GALNT11: variants seen among roughly 807,000 people sequenced by gnomAD.
GALNT11 encodes the protein UDP-GalNAc:polypeptide N-acetylgalactosaminyltransferase 11.
A neutral mutation model predicts 72.7 loss-of-function variants in GALNT11; 47 were observed. That is an observed-to-expected ratio of 0.65 (90% CI 0.51 to 0.82). The LOEUF (loss-of-function observed/expected upper bound fraction) is 0.82. GALNT11 is among the 40% of genes least tolerant of loss of function. GALNT11 has a pLI of 0.00. For missense variants in GALNT11, 677 were observed against 778.4 expected, an observed-to-expected ratio of 0.87 and a Z score of 1.55; for synonymous variants, 270 against 286.6, an observed-to-expected ratio of 0.94 and a Z score of 0.58.
intron 9 of GALNT11, 47 bp downstream of exon 9, chr7:152,117,422 T>C: frequency 6.3e-7 from 1 of 1,585,796 alleles, no homozygotes; most frequent in South Asian, 1.1e-5. Context: ...GCGTTTGATA[T>C]GAAAAGTTTT....
intron 1 of GALNT11, among the ~76,000 whole-genome samples, chr7:152,051,273 G>T (rs2083392934): frequency 2.0e-5 from 2 of 100,328 alleles, no homozygotes. Context: ...ACATTTATTT[G>T]GTTGATATGC....
chr7:152,105,438 C>T, intron 5 of GALNT11, 68 bp downstream of exon 5: 1 of 1,558,386 alleles, frequency 6.4e-7, no homozygotes, highest in East Asian at 2.3e-5. Flanking sequence ...AGCGCCTGTC[C>T]TGATTCTGCA....
intron 1 of GALNT11, among the ~76,000 whole-genome samples, chr7:152,074,784 T>G (rs779864895): frequency 1.3e-5 from 2 of 152,184 alleles, no homozygotes; most frequent in African/African-American, 2.4e-5. Flanking sequence ...GTTAGAGCTC[T>G]TCTCCCCTGT....
In GALNT11 at chr7:152,077,483, C is replaced by T. The variant is rs2085055698; in HGVS notation, c.-38-16707C>T. On this transcript the variant is annotated intron_variant, in intron 1 of 11. Coordinates refer to ENST00000430044, the MANE Select transcript of GALNT11 (RefSeq NM_022087.4). ...TGCTGTGGGTAAGAATCCTGGTGAG[C>T]CACCTGGGGTTAATGTTGAAACCTT... Among the ~76,000 whole-genome samples, 4 of 152,062 alleles carry T rather than the reference C, an allele frequency of 2.6e-5. No individual in the cohort carries two copies. In the South Asian group the frequency reaches 8.3e-4, roughly 32 times the overall value.
At chr7:152,087,310 A>C (rs2085711877) in intron 1 of GALNT11, among the ~76,000 whole-genome samples, 1 of 152,244 alleles carries the variant, frequency 6.6e-6, no homozygotes, top group African/African-American at 2.4e-5. Context: ...ATATTCGAGC[A>C]AAGATTCAAT....
At chr7:152,068,018 G>A (rs1256497639) in intron 1 of GALNT11, among the ~76,000 whole-genome samples, 2 of 152,100 alleles carry the variant, frequency 1.3e-5, no homozygotes, top group African/African-American at 4.8e-5. Flanking sequence ...CTCCCTGTCA[G>A]CAAGTCAGCA....
At chr7:152,032,956 G>C (rs1452853077) in intron 1 of GALNT11, among the ~76,000 whole-genome samples, 1 of 152,228 alleles carries the variant, frequency 6.6e-6, no homozygotes, top group Non-Finnish European at 1.5e-5. Flanking sequence ...GGATGGTAAT[G>C]GACCTTGAGG....
chr7:152,044,243 G>A (rs992537447), intron 1 of GALNT11, among the ~76,000 whole-genome samples: 1 of 152,178 alleles, frequency 6.6e-6, no homozygotes, highest in African/African-American at 2.4e-5. Context: ...TATTCCTTAC[G>A]GGAAATAAAG....
chr7:152,064,363 T>C (rs2084189832), intron 1 of GALNT11, among the ~76,000 whole-genome samples: 1 of 152,216 alleles, frequency 6.6e-6, no homozygotes, highest in Non-Finnish European at 1.5e-5. Context: ...GCACATGAGA[T>C]GGGTCTCCTG....
chr7:152,040,442 G>T (rs1015620951), intron 1 of GALNT11, among the ~76,000 whole-genome samples: 4 of 152,194 alleles, frequency 2.6e-5, no homozygotes, highest in Non-Finnish European at 5.9e-5. Context: ...AGGTAATGCT[G>T]TATCTGCGTT....
At chr7:152,038,319 C>G (rs555971040) in intron 1 of GALNT11, among the ~76,000 whole-genome samples, 1 of 152,276 alleles carries the variant, frequency 6.6e-6, no homozygotes, top group Admixed American at 6.5e-5. Context: ...TATAAGTATT[C>G]CTTATGGGAA....
chr7:152,028,177 G>A (rs1399519953), intron 1 of GALNT11, among the ~76,000 whole-genome samples: 9 of 152,174 alleles, frequency 5.9e-5, no homozygotes, highest in Admixed American at 5.9e-4. Flanking sequence ...GCAGGTTGCC[G>A]CTGCTGGCTC....
chr7:152,096,610 G>A (rs1242366057), intron 2 of GALNT11, among the ~76,000 whole-genome samples: 3 of 151,736 alleles, frequency 2.0e-5, no homozygotes, highest in African/African-American at 4.8e-5. Context: ...AGCTACTCGG[G>A]AGGTTGAGGC....
At chr7:152,120,371 G>A (rs896010665) in intron 10 of GALNT11, 1 of 174,498 alleles carries the variant, frequency 5.7e-6, no homozygotes, top group Non-Finnish European at 1.2e-5. Flanking sequence ...CACTGCACTT[G>A]CCATGTCACC....
At chr7:152,092,410 C>T (rs1354400342) in intron 1 of GALNT11, among the ~76,000 whole-genome samples, 1 of 152,204 alleles carries the variant, frequency 6.6e-6, no homozygotes, top group African/African-American at 2.4e-5. Flanking sequence ...GTACCTGCAG[C>T]TGACATAGCA....
rs1471878112 is a variant in GALNT11, at chr7:152,113,357, A to C, written c.1192A>C (p.Asn398His). The C allele has an allele frequency of 6.2e-7, 1 of 1,614,032 alleles. No homozygotes were observed. Among genetic ancestry groups the C allele is most frequent in the Admixed American group, 1.7e-5 (1 of 60,000 alleles). The change falls in exon 8 of 12, where the codon AAC becomes CAC. Residue 398 changes from asparagine (N) to histidine (H), a missense_variant. Physicochemically the swap from Asn to His is moderately conservative, Grantham distance 68. Coordinates refer to ENST00000430044, the MANE Select transcript of GALNT11 (RefSeq NM_022087.4). ...CGAAGGCCAGGACACCATGACACAC[A>C]ACTCTTTGCGGCTGGCACATGTCTG... Reference protein sequence around the residue: ...SPEGQDTMTHNSLRLAHVWLD... With the variant: ...SPEGQDTMTHHSLRLAHVWLD...
chr7:152,033,895 G>A (rs920403288), intron 1 of GALNT11, among the ~76,000 whole-genome samples: 6 of 152,148 alleles, frequency 3.9e-5, no homozygotes, highest in East Asian at 1.9e-4. Context: ...AGCTAAAGCC[G>A]CATTCTTTTC....
intron 2 of GALNT11, among the ~76,000 whole-genome samples, chr7:152,095,561 T>C (rs2086317087): frequency 6.6e-6 from 1 of 152,196 alleles, no homozygotes; most frequent in Admixed American, 6.5e-5. Context: ...CAAGCTAATA[T>C]CTACTTCAGT....
intron 1 of GALNT11, among the ~76,000 whole-genome samples, chr7:152,041,833 C>T (rs893780449): frequency 6.6e-6 from 1 of 152,220 alleles, no homozygotes; most frequent in Admixed American, 6.5e-5. Context: ...TTGATCCCTA[C>T]GTATGGCTAC....
Sources: allele counts gnomAD v4.1 joint callset (sites outside exome capture counted in the v4.1 genomes callset), GRCh38; gene constraint gnomAD v4.1.1; transcripts MANE v1.5; gene names NCBI Gene and HGNC (gene_info 2026-07-23, HGNC 2026-07-21).